Variants in MAP3K20 observed in about 807,000 individuals in gnomAD.
MAP3K20 encodes mitogen-activated protein kinase kinase kinase 20.
A neutral mutation model predicts 85.7 loss-of-function variants in MAP3K20; 40 were observed. The ratio of observed to expected loss-of-function variants is 0.47; its 90% confidence interval spans 0.36 to 0.61. MAP3K20 has a LOEUF of 0.61. Among genes scored for constraint, MAP3K20 ranks in the 20% least tolerant of loss-of-function variants. The pLI is 0.00. For synonymous variants in MAP3K20, 325 were observed against 327.7 expected, an observed-to-expected ratio of 0.99 and a Z score of 0.09; for missense variants, 817 against 961.7, an observed-to-expected ratio of 0.85 and a Z score of 1.99.
chr2:173,243,736 G>A (rs768335916), intron 16 of MAP3K20, among the ~76,000 whole-genome samples: 18 of 152,168 alleles, frequency 1.2e-4, no homozygotes, highest in Non-Finnish European at 1.6e-4. Flanking sequence ...TCCTGCCTCA[G>A]CCTCCCGAAT....
chr2:173,080,814 G>C (rs1401852022), intron 1 of MAP3K20, among the ~76,000 whole-genome samples: 1 of 152,100 alleles, frequency 6.6e-6, no homozygotes, highest in Admixed American at 6.5e-5. Flanking sequence ...TTTCTAAAGT[G>C]TGCTTTAGAA....
rs1392126827 is a variant in MAP3K20 at position 173,266,440 on chromosome 2, G to T, written c.2093G>T (p.Gly698Val). Residue 698 changes from glycine to valine, a missense_variant, in exon 20 of 20, where the codon GGA becomes GTA. Around this residue, in one of 4 missense-constraint regions of MAP3K20, gnomAD observed 454 missense variants for 476.9 expected, o/e 0.95. Coordinates refer to ENST00000375213, the MANE Select transcript of MAP3K20 (RefSeq NM_016653.3). ...TCTTCTCCTAGAGGAAGATACAGTG[G>T]AAAGAGTCAGCATTCCACTCCTTCA... is the stretch of plus-strand genomic sequence containing the variant. ...LNSSPRGRYS[G>V]KSQHSTPSRG... 6.2e-7 allele frequency: 1 copy of T among 1,614,006 alleles called. No homozygotes were observed. Among genetic ancestry groups the T allele is most frequent in the Non-Finnish European group, 8.5e-7 (1 of 1,180,028 alleles).
intron 17 of MAP3K20, among the ~76,000 whole-genome samples, chr2:173,260,146 C>T (rs554496306): frequency 1.2e-4 from 18 of 152,274 alleles, no homozygotes; most frequent in African/African-American, 4.3e-4. Flanking sequence ...GTGAGCAGAT[C>T]ACTTGAGGCC....
At chr2:173,102,736 T>A (rs1347898459) in intron 2 of MAP3K20, among the ~76,000 whole-genome samples, 1 of 152,176 alleles carries the variant, frequency 6.6e-6, no homozygotes, top group Non-Finnish European at 1.5e-5. Flanking sequence ...AATCAGCTGA[T>A]CTCACGACAT....
At chr2:173,254,075 A>G (rs2106349886) in intron 16 of MAP3K20, among the ~76,000 whole-genome samples, 1 of 150,254 alleles carries the variant, frequency 6.7e-6, no homozygotes, top group East Asian at 2.0e-4. Context: ...TGTGTCAGAA[A>G]AAAAAAAAAA....
At chr2:173,215,076 C>T (rs900806052) in intron 10 of MAP3K20, among the ~76,000 whole-genome samples, 1 of 152,224 alleles carries the variant, frequency 6.6e-6, no homozygotes, top group African/African-American at 2.4e-5. Flanking sequence ...TGCTCAAAAT[C>T]GCAGTAGGCT....
intron 16 of MAP3K20, among the ~76,000 whole-genome samples, chr2:173,254,033 T>C (rs1288542543): frequency 1.4e-5 from 2 of 147,004 alleles, no homozygotes; most frequent in Admixed American, 1.4e-4. Flanking sequence ...ATTGCACCAC[T>C]GCCCTCCAGC....
intron 2 of MAP3K20, among the ~76,000 whole-genome samples, chr2:173,140,712 A>G (rs957176338): frequency 7.2e-5 from 11 of 152,182 alleles, no homozygotes; most frequent in African/African-American, 2.7e-4. Context: ...ATAAAAATGG[A>G]TCATGTGAAG....
intron 2 of MAP3K20, among the ~76,000 whole-genome samples, chr2:173,120,442 C>G (rs1471025460): frequency 6.6e-6 from 1 of 151,864 alleles, no homozygotes; most frequent in African/African-American, 2.4e-5. Flanking sequence ...CCAATATTCC[C>G]TTGGTAATTG....
chr2:173,212,797 C>CAAAAAAAAAAAAA (rs61126157), intron 10 of MAP3K20: 1 of 101,038 alleles, frequency 9.9e-6, no homozygotes, highest in Non-Finnish European at 2.1e-5. Context: ...AGATCCTATT[C>CAAAAAAAAAAAAA]AAAAAAAAAA....
intron 2 of MAP3K20, among the ~76,000 whole-genome samples, chr2:173,120,894 G>A (rs1315088198): frequency 6.6e-6 from 1 of 151,708 alleles, no homozygotes; most frequent in Non-Finnish European, 1.5e-5. Context: ...TATTTTAGTA[G>A]AGACATGTTT....
chr2:173,141,857 G>T (rs1208980447), intron 2 of MAP3K20, among the ~76,000 whole-genome samples: 1 of 152,066 alleles, frequency 6.6e-6, no homozygotes, highest in East Asian at 1.9e-4. Context: ...TTACATAAAG[G>T]AAGCAATACC....
At chr2:173,103,179 G>C (rs1378986796) in intron 2 of MAP3K20, among the ~76,000 whole-genome samples, 1 of 152,204 alleles carries the variant, frequency 6.6e-6, no homozygotes, top group Admixed American at 6.5e-5. Context: ...CTTTAAAGTT[G>C]TGAAAGCGAG....
chr2:173,121,000 C>T (rs965924712), intron 2 of MAP3K20, among the ~76,000 whole-genome samples: 19 of 152,126 alleles, frequency 1.2e-4, no homozygotes, highest in African/African-American at 4.6e-4. Flanking sequence ...AGCCACTGCA[C>T]CCAGCCAGGA....
chr2:173,147,673 G>A (rs998524426), intron 2 of MAP3K20, among the ~76,000 whole-genome samples: 12 of 151,898 alleles, frequency 7.9e-5, no homozygotes, highest in African/African-American at 2.7e-4. Flanking sequence ...TGCAACCTCC[G>A]CCTCCCGGGT....
At chr2:173,082,803 C>T (rs893230861) in intron 1 of MAP3K20, among the ~76,000 whole-genome samples, 2 of 152,238 alleles carry the variant, frequency 1.3e-5, no homozygotes, top group South Asian at 2.1e-4. Flanking sequence ...CGGCCTATGC[C>T]GTGGCCGTAG....
chr2:173,188,301 A>G (rs977057417), intron 5 of MAP3K20, among the ~76,000 whole-genome samples: 1 of 152,252 alleles, frequency 6.6e-6, no homozygotes, highest in South Asian at 2.1e-4. Flanking sequence ...CTTCTGTTAC[A>G]TCACTTCAGA....
At chr2:173,178,876 T>C (rs748824118) in intron 3 of MAP3K20, among the ~76,000 whole-genome samples, 5 of 152,140 alleles carry the variant, frequency 3.3e-5, no homozygotes, top group African/African-American at 4.8e-5. Context: ...TTCATGAATA[T>C]AGATGTAAAA....
intron 3 of MAP3K20, among the ~76,000 whole-genome samples, chr2:173,177,312 A>G (rs962104592): frequency 2.0e-5 from 3 of 152,196 alleles, no homozygotes; most frequent in African/African-American, 7.2e-5. Flanking sequence ...ATACCATACA[A>G]TGTGTTTTCT....
Sources: allele counts gnomAD v4.1 joint callset (sites outside exome capture counted in the v4.1 genomes callset), GRCh38; gene constraint gnomAD v4.1.1; regional missense constraint gnomAD v4.1.1; transcripts MANE v1.5; gene names NCBI Gene and HGNC (gene_info 2026-07-23, HGNC 2026-07-21).